Variants in MYO1E observed in about 807,000 individuals in gnomAD.
MYO1E encodes unconventional myosin-Ie.
A neutral mutation model predicts 151.1 loss-of-function variants in MYO1E; 68 were observed. The observed-to-expected ratio is 0.45, with a 90% confidence interval of 0.37 to 0.55. MYO1E has a LOEUF of 0.55. Among genes scored for constraint, MYO1E ranks in the 20% least tolerant of loss-of-function variants. The pLI is 0.00. For missense variants in MYO1E, 1,363 were observed against 1,389.3 expected, an observed-to-expected ratio of 0.98 and a Z score of 0.30; for synonymous variants, 601 against 501.7, an observed-to-expected ratio of 1.20 and a Z score of -2.64.
chr15:59,324,345 A>G (rs1473716592), intron 1 of MYO1E, among the ~76,000 whole-genome samples: 1 of 152,232 alleles, frequency 6.6e-6, no homozygotes, highest in Admixed American at 6.5e-5. Context: ...CAATGACACT[A>G]TCGGAAAGGG....
intron 4 of MYO1E, among the ~76,000 whole-genome samples, chr15:59,242,389 C>A (rs2080105305): frequency 6.6e-6 from 1 of 152,076 alleles, no homozygotes; most frequent in Non-Finnish European, 1.5e-5. Context: ...CATATAAGAG[C>A]CAGCTGGAAG....
chr15:59,193,314 T>C (rs7178908), intron 17 of MYO1E, among the ~76,000 whole-genome samples: 49,156 of 151,758 alleles, frequency 0.32, 8,359 homozygotes, highest in East Asian at 0.59. Flanking sequence ...GATTGATTGA[T>C]TGATTGACTT....
chr15:59,138,315 G>T lies in MYO1E; in HGVS notation c.3133C>A (p.Pro1045Thr). 1 of 1,614,232 alleles carries T rather than the reference G, an allele frequency of 6.2e-7. No homozygotes were observed. The highest frequency in any genetic ancestry group is 2.2e-5 in the East Asian group (1 of 44,876). The change falls in exon 27 of 28, where the codon CCC becomes ACC. Residue 1045 changes from proline to threonine, a missense_variant. By Grantham distance (38) the Pro-to-Thr change is conservative. Coordinates refer to ENST00000288235, the MANE Select transcript of MYO1E (RefSeq NM_004998.4). ...ACCTGAGGCTTGGGCTTGGGCTGGG[G>T]CTTGGGTCTGCCCCCTGCTGGGGGA... ...RPPPAGGRPK[P>T]QPKPKPQVPQ...
At chr15:59,285,732 TAAG>T (rs2080384104) in intron 1 of MYO1E, among the ~76,000 whole-genome samples, 1 of 152,184 alleles carries the variant, frequency 6.6e-6, no homozygotes, top group Non-Finnish European at 1.5e-5. Context: ...AAAAAATTTT[TAAG>T]AAAAAGAAAA....
rs544458589 is a variant in MYO1E at position 59,188,224 on chromosome 15, A to G, written c.1806-8T>C. 1.9e-6 allele frequency: 3 copies of G among 1,610,994 alleles called. No individual in the cohort carries two copies. Among genetic ancestry groups the G allele is most frequent in the Admixed American group, 3.3e-5 (2 of 60,016 alleles). ...TCGACTTGATGCTTTACCCTGTGCA[A>G]AGGAGAAAATGGGGCCTGGACATTA... is the stretch of plus-strand genomic sequence containing the variant. On this transcript the variant is annotated splice_region_variant and splice_polypyrimidine_tract_variant and intron_variant, in intron 17 of 27. Coordinates refer to ENST00000288235, the MANE Select transcript of MYO1E (RefSeq NM_004998.4).
At chr15:59,268,508 T>C (rs909085065) in intron 2 of MYO1E, among the ~76,000 whole-genome samples, 14 of 152,074 alleles carry the variant, frequency 9.2e-5, no homozygotes, top group African/African-American at 3.4e-4. Context: ...GTCTTAACAG[T>C]CAACAAATTG....
chr15:59,162,392 C>T (rs575278853), intron 23 of MYO1E, among the ~76,000 whole-genome samples: 1 of 152,172 alleles, frequency 6.6e-6, no homozygotes, highest in Admixed American at 6.5e-5. Flanking sequence ...GCCTGTGATC[C>T]CAGCACTTTG....
rs74020342 is a variant in MYO1E, at chr15:59,285,189, T to C, written c.4-12740A>G. ...TCTACCTCTCACATGCCTCTGTGCC[T>C]TGGGCAAGGCCAGTTTCACAGAATT... On this transcript the variant is annotated intron_variant, in intron 1 of 27. Coordinates refer to ENST00000288235, the MANE Select transcript of MYO1E (RefSeq NM_004998.4). Among the ~76,000 whole-genome samples the C allele has an allele frequency of 5.0e-3, 761 of 152,294 alleles. 8 individuals carry two copies. Among genetic ancestry groups the C allele is most frequent in the African/African-American group, 0.017 (725 of 41,572 alleles).
In MYO1E at chr15:59,303,545, T is replaced by G. The variant is rs75828134; in HGVS notation, c.4-31096A>C. Reference sequence around the variant, plus strand: ...CTCTGTCTAAAAATAAAGAAAGAAATAAATAAAAAGGAAGAAATTAAAAAA... The same window carrying G: ...CTCTGTCTAAAAATAAAGAAAGAAAGAAATAAAAAGGAAGAAATTAAAAAA... On this transcript the variant is annotated intron_variant, in intron 1 of 27. Coordinates refer to ENST00000288235, the MANE Select transcript of MYO1E (RefSeq NM_004998.4). Among the ~76,000 whole-genome samples the G allele has an allele frequency of 5.2e-3, 791 of 151,666 alleles. 11 individuals are homozygous for G. Among genetic ancestry groups the G allele is most frequent in the African/African-American group, 0.017 (711 of 41,294 alleles).
chr15:59,274,719 C>G (rs1325859560), intron 1 of MYO1E, among the ~76,000 whole-genome samples: 1 of 152,202 alleles, frequency 6.6e-6, no homozygotes, highest in Admixed American at 6.5e-5. Flanking sequence ...GTCTCAGTAT[C>G]AAACCCATTG....
intron 4 of MYO1E, among the ~76,000 whole-genome samples, chr15:59,240,206 C>T (rs1485808045): frequency 6.6e-6 from 1 of 152,262 alleles, no homozygotes; most frequent in Non-Finnish European, 1.5e-5. Flanking sequence ...GGCCCGTCTT[C>T]TGACCTGCTG....
At chr15:59,348,293 C>A (rs746063950) in intron 1 of MYO1E, among the ~76,000 whole-genome samples, 10 of 152,168 alleles carry the variant, frequency 6.6e-5, no homozygotes, top group Non-Finnish European at 1.2e-4. Context: ...TTAAATAATA[C>A]CCTCCCTAAC....
chr15:59,371,398 A>G (rs1028367869), intron 1 of MYO1E, among the ~76,000 whole-genome samples: 4 of 151,972 alleles, frequency 2.6e-5, no homozygotes, highest in African/African-American at 9.7e-5. Flanking sequence ...ACTACTTGAA[A>G]AGAAGCAAGT....
intron 26 of MYO1E, among the ~76,000 whole-genome samples, chr15:59,149,067 T>G (rs1302129592): frequency 7.5e-5 from 11 of 146,620 alleles, no homozygotes; most frequent in African/African-American, 1.3e-4. Context: ...TTTTTTTTTT[T>G]TTTTTTTGAG....
intron 1 of MYO1E, among the ~76,000 whole-genome samples, chr15:59,290,224 C>G (rs2080411040): frequency 6.6e-6 from 1 of 152,148 alleles, no homozygotes; most frequent in Non-Finnish European, 1.5e-5. Flanking sequence ...CGGTAGAAGA[C>G]AGAAGAAATG....
intron 22 of MYO1E, among the ~76,000 whole-genome samples, chr15:59,164,561 GGGATCACAAGA>G (rs2079554130): frequency 6.6e-6 from 1 of 152,152 alleles, no homozygotes. Flanking sequence ...ATGAGGCAAG[GGGATCACAAGA>G]GGACTGAGCT....
chr15:59,217,785 C>G, intron 10 of MYO1E, 106 bp downstream of exon 10: 1 of 1,330,464 alleles, frequency 7.5e-7, no homozygotes, highest in Non-Finnish European at 1.1e-6. Context: ...ACCTTGGCCT[C>G]TCAAAGTACT....
rs1327808644 is a variant in MYO1E, at chr15:59,134,232, G to A, written c.*3148C>T. ...GGACTTGGTAGTAGTGGGGAGTCAG[G>A]TTTGATTACGATGGGCTGGGACCAC... On this transcript the variant is annotated 3_prime_UTR_variant, in exon 28 of 28. Coordinates refer to ENST00000288235, the MANE Select transcript of MYO1E (RefSeq NM_004998.4). 2.0e-5 allele frequency: 3 copies of A among 152,404 alleles called. No individual in the cohort carries two copies. The highest frequency in any genetic ancestry group is 1.3e-4 in the Admixed American group (2 of 15,286). The allele number at this position is 152,404 out of a possible 1,614,324, so 9.4% of individuals were successfully genotyped here. A position where few individuals can be genotyped will look rare whatever the true frequency, so the allele number is the denominator to read the frequency against.
intron 19 of MYO1E, 98 bp from the exon 20 acceptor site, chr15:59,174,338 GAC>G: frequency 1.2e-6 from 1 of 840,798 alleles, no homozygotes; most frequent in Non-Finnish European, 2.1e-6. Flanking sequence ...TTTAGACAAT[GAC>G]ACACACGGGA....
Sources: allele counts gnomAD v4.1 joint callset (sites outside exome capture counted in the v4.1 genomes callset), GRCh38; gene constraint gnomAD v4.1.1; transcripts MANE v1.5; gene names NCBI Gene and HGNC (gene_info 2026-07-23, HGNC 2026-07-21).